The following RP1 variants were observed in gnomAD, a reference collection of about 807,000 sequenced individuals.
The protein encoded by RP1 is RP1 axonemal microtubule associated, also known as oxygen-regulated protein 1.
A neutral mutation model predicts 14.8 loss-of-function variants in RP1; 16 were observed. The observed-to-expected ratio is 1.08, with a 90% CI of 0.73 to 1.65. RP1 has a LOEUF of 1.65. Among genes scored for constraint, RP1 ranks in the 40% most tolerant of loss-of-function variants. RP1 has a pLI of 0.00. For synonymous variants in RP1, 876 were observed against 883.6 expected (o/e 0.99, Z 0.15); for missense variants, 2,631 against 2,535.0 (o/e 1.04, Z -0.81).
At chr8:54,696,787 G>A in intron 12 of RP1, 2 of 725,554 alleles carry the variant, frequency 2.8e-6, no homozygotes, top group Non-Finnish European at 5.0e-6. Flanking sequence ...ACCTAAAAAT[G>A]CCACGTATAG....
At chr8:54,571,791 G>C (rs1265892449) in intron 1 of RP1, among the ~76,000 whole-genome samples, 2 of 152,144 alleles carry the variant, frequency 1.3e-5, no homozygotes, top group Non-Finnish European at 2.9e-5. Flanking sequence ...CTGGTGGTTT[G>C]CTGGCCTTTT....
chr8:54,738,815 G>T, intron 18 of RP1: 2 of 537,432 alleles, frequency 3.7e-6, no homozygotes, highest in East Asian at 2.9e-5. Flanking sequence ...TCTAGACTCT[G>T]AAAGAGTTCC....
intron 1 of RP1, among the ~76,000 whole-genome samples, chr8:54,575,352 A>G (rs570712527): frequency 2.0e-5 from 3 of 152,228 alleles, no homozygotes; most frequent in Admixed American, 2.0e-4. Context: ...CTGGAAGAAC[A>G]AACAATGTCT....
At chr8:54,721,724 C>G (rs1005221899) in intron 16 of RP1, among the ~76,000 whole-genome samples, 1 of 152,154 alleles carries the variant, frequency 6.6e-6, no homozygotes, top group African/African-American at 2.4e-5. Context: ...CTAGAGGCAA[C>G]CTCCTGCTTT....
chr8:54,669,784 A>G (rs972339030), intron 7 of RP1, among the ~76,000 whole-genome samples: 9 of 150,518 alleles, frequency 6.0e-5, no homozygotes, highest in African/African-American at 2.2e-4. Flanking sequence ...AGGACAGAAA[A>G]CCAAACACCG....
At chr8:54,613,071 A>T (rs139157668), upstream of RP1, among the ~76,000 whole-genome samples, 261 of 152,284 alleles carry the variant, frequency 1.7e-3, no homozygotes, top group Non-Finnish European at 2.9e-3. Flanking sequence ...GTTTGTTGCT[A>T]TGTGTGTCTA....
rs116510535 is a variant in RP1 at position 54,637,097 on chromosome 8, C to G, written c.788-11888C>G. ...AGATTGTCTGGTGCTCTTCCTTCAG[C>G]AGGTTGATGTTGAGGTTAGCCTTGT... On this transcript the variant is annotated intron_variant, in intron 3 of 22. Coordinates refer to the RP1 transcript ENST00000636932. 7.7e-3 allele frequency among the ~76,000 whole-genome samples: 1,165 copies of G among 152,280 alleles called. 20 individuals carry two copies. Among genetic ancestry groups the G allele is most frequent in the African/African-American group, 0.027 (1,106 of 41,548 alleles).
At chr8:54,779,779 C>T (rs1274615924) in intron 23 of RP1, among the ~76,000 whole-genome samples, 1 of 152,150 alleles carries the variant, frequency 6.6e-6, no homozygotes, top group Non-Finnish European at 1.5e-5. Context: ...AAAGAGGTGA[C>T]TCAGTCAAAT....
At chr8:54,730,099 AG>A (rs1186867263) in intron 17 of RP1, among the ~76,000 whole-genome samples, 2 of 152,122 alleles carry the variant, frequency 1.3e-5, no homozygotes, top group Admixed American at 6.5e-5. Context: ...AGAGGTTCAC[AG>A]GAAGAGTGCA....
intron 25 of RP1, among the ~76,000 whole-genome samples, chr8:54,838,925 C>T (rs180840326): frequency 1.3e-5 from 2 of 152,262 alleles, no homozygotes; most frequent in East Asian, 1.9e-4. Context: ...GCTTATGTCA[C>T]AGGATTGTTT....
At chr8:54,633,888 G>C (rs1008148941), downstream of RP1, among the ~76,000 whole-genome samples, 1 of 151,908 alleles carries the variant, frequency 6.6e-6, no homozygotes, top group African/African-American at 2.4e-5. Context: ...TAGTCCTCAC[G>C]AGAACCCTCT....
chr8:54,826,495 A>T (rs766037798), intron 24 of RP1, among the ~76,000 whole-genome samples: 20 of 152,212 alleles, frequency 1.3e-4, no homozygotes, highest in Non-Finnish European at 1.0e-4. Context: ...AAGTTGTTTC[A>T]GTTTTTAGAG....
intron 13 of RP1, chr8:54,699,615 T>C: frequency 1.1e-6 from 1 of 926,006 alleles, no homozygotes; most frequent in Non-Finnish European, 1.5e-6. Flanking sequence ...TAGTATTATG[T>C]CTGTATATTT....
intron 3 of RP1, among the ~76,000 whole-genome samples, chr8:54,646,994 G>T (rs1169012744): frequency 6.6e-6 from 1 of 152,076 alleles, no homozygotes; most frequent in Admixed American, 6.6e-5. Context: ...GACCATCCTT[G>T]ACTAGTTTTT....
At chr8:54,819,664 A>C (rs966838723) in intron 24 of RP1, among the ~76,000 whole-genome samples, 2 of 152,148 alleles carry the variant, frequency 1.3e-5, no homozygotes, top group Admixed American at 1.3e-4. Flanking sequence ...GTCTTTGGGC[A>C]CTGTGGTAGT....
At chr8:54,712,669 A>G (rs1253190361) in intron 15 of RP1, among the ~76,000 whole-genome samples, 1 of 152,176 alleles carries the variant, frequency 6.6e-6, no homozygotes, top group Non-Finnish European at 1.5e-5. Flanking sequence ...TACTTCTGCT[A>G]CTTCCATTGT....
chr8:54,568,190 G>C (rs1804446759), intron 1 of RP1, among the ~76,000 whole-genome samples: 1 of 152,144 alleles, frequency 6.6e-6, no homozygotes. Flanking sequence ...CTTGCTGAAG[G>C]TACCACATAA....
At chr8:54,605,846 A>G (rs909563731) in intron 1 of RP1, among the ~76,000 whole-genome samples, 2 of 151,970 alleles carry the variant, frequency 1.3e-5, no homozygotes, top group African/African-American at 4.8e-5. Context: ...GTTTTATCCG[A>G]GACTAGGATT....
intron 5 of RP1, among the ~76,000 whole-genome samples, chr8:54,654,722 A>T (rs1302275313): frequency 6.6e-6 from 1 of 152,162 alleles, no homozygotes; most frequent in South Asian, 2.1e-4. Flanking sequence ...ATCATGGCTC[A>T]CTGCAGCCTT....
Sources: allele counts gnomAD v4.1 joint callset (sites outside exome capture counted in the v4.1 genomes callset), GRCh38; gene constraint gnomAD v4.1.1; transcripts MANE v1.5; gene names NCBI Gene and HGNC (gene_info 2026-07-23, HGNC 2026-07-21).